The following DGKI variants were observed in gnomAD, a reference collection of about 807,000 sequenced individuals.
DGKI encodes the protein diacylglycerol kinase iota.
In DGKI, 55 loss-of-function variants were observed where a neutral mutation model predicts 147.5. The observed-to-expected ratio is 0.37, with a 90% confidence interval of 0.30 to 0.47. The LOEUF (loss-of-function observed/expected upper bound fraction) is 0.47. Ranked by LOEUF, DGKI falls within the 20% of genes least tolerant of loss-of-function variation. The pLI, the probability that DGKI is intolerant of heterozygous loss-of-function variation, is 1.00. For missense variants in DGKI, 1,007 were observed against 1,323.8 expected, an observed-to-expected ratio of 0.76 and a Z score of 3.71; for synonymous variants, 469 against 477.1, an observed-to-expected ratio of 0.98 and a Z score of 0.22.
intron 20 of DGKI, among the ~76,000 whole-genome samples, chr7:137,539,176 G>C (rs892119703): frequency 2.0e-5 from 3 of 152,158 alleles, no homozygotes; most frequent in South Asian, 2.1e-4. Context: ...CTAATCACAA[G>C]AGCTGTGACG....
intron 1 of DGKI, among the ~76,000 whole-genome samples, chr7:137,795,000 A>G (rs1330244115): frequency 2.0e-5 from 3 of 152,168 alleles, no homozygotes; most frequent in African/African-American, 7.2e-5. Flanking sequence ...ACAACTTCCT[A>G]GTCTGATATT....
At chr7:137,590,728 C>T (rs1249205014) in intron 12 of DGKI, among the ~76,000 whole-genome samples, 3 of 152,024 alleles carry the variant, frequency 2.0e-5, no homozygotes, top group Non-Finnish European at 4.4e-5. Flanking sequence ...GACAGAGTTT[C>T]ACTCTGTTGT....
intron 20 of DGKI, among the ~76,000 whole-genome samples, chr7:137,551,347 T>C (rs1818038670): frequency 6.6e-6 from 1 of 152,076 alleles, no homozygotes. Context: ...TGCTGGCTAT[T>C]GTAAGGACTT....
At chr7:137,460,913 A>G (rs891675414) in intron 27 of DGKI, among the ~76,000 whole-genome samples, 1 of 152,214 alleles carries the variant, frequency 6.6e-6, no homozygotes, top group Non-Finnish European at 1.5e-5. Flanking sequence ...TTTGATTAGA[A>G]CATAGTTTAT....
chr7:137,698,801 T>C (rs957919955), intron 1 of DGKI, among the ~76,000 whole-genome samples: 12 of 152,110 alleles, frequency 7.9e-5, no homozygotes, highest in African/African-American at 2.9e-4. Context: ...AGTGAATCAG[T>C]GATAAAACCA....
intron 1 of DGKI, among the ~76,000 whole-genome samples, chr7:137,692,685 G>A (rs1292112557): frequency 1.3e-5 from 2 of 152,104 alleles, no homozygotes; most frequent in African/African-American, 4.8e-5. Context: ...AAGATAATGT[G>A]GCTATATGAT....
At chr7:137,784,608 C>A (rs1031699230) in intron 1 of DGKI, among the ~76,000 whole-genome samples, 1 of 152,062 alleles carries the variant, frequency 6.6e-6, no homozygotes, top group African/African-American at 2.4e-5. Flanking sequence ...TTAAACTATA[C>A]CCTATAACAA....
chr7:137,788,144 C>T (rs557802188), intron 1 of DGKI, among the ~76,000 whole-genome samples: 10 of 152,220 alleles, frequency 6.6e-5, no homozygotes, highest in African/African-American at 2.2e-4. Context: ...ATTAGGGATA[C>T]GATAATGTGT....
chr7:137,508,219 C>CTTT lies in DGKI; in HGVS notation c.2248+13644_2248+13646dup, dbSNP rs1171968411. ...GCATGATGGAACTTTAGACAGGTTT[C>CTTT]TTTTTTTTTTTTTTTTTTTTTTTTT... On this transcript the variant is annotated intron_variant, in intron 21 of 32. Transcript: ENST00000614521. 1.1e-3 allele frequency among the ~76,000 whole-genome samples: 105 copies of CTTT among 92,530 alleles called. 3 individuals carry two copies. The highest frequency in any genetic ancestry group is 2.9e-3 in the African/African-American group (67 of 22,724). 60.7% of individuals were successfully genotyped at this position (92,530 alleles called of 152,430 possible).
intron 28 of DGKI, among the ~76,000 whole-genome samples, chr7:137,435,191 A>T (rs1813234653): frequency 6.6e-6 from 1 of 152,232 alleles, no homozygotes; most frequent in South Asian, 2.1e-4. Flanking sequence ...CACAGCACAG[A>T]ATAGGGCAAT....
intron 23 of DGKI, among the ~76,000 whole-genome samples, chr7:137,471,075 T>C (rs1030104173): frequency 2.6e-5 from 4 of 152,212 alleles, no homozygotes; most frequent in Admixed American, 2.0e-4. Context: ...TTTTCTCTAC[T>C]AAGAGAAGCC....
At chr7:137,603,011 G>C (rs1236265630) in intron 10 of DGKI, among the ~76,000 whole-genome samples, 1 of 152,068 alleles carries the variant, frequency 6.6e-6, no homozygotes, top group African/African-American at 2.4e-5. Context: ...AGGAGTAAAA[G>C]AACATTATTC....
chr7:137,495,862 G>T (rs1380236880), intron 21 of DGKI, among the ~76,000 whole-genome samples: 2 of 152,048 alleles, frequency 1.3e-5, no homozygotes, highest in African/African-American at 2.4e-5. Context: ...CATACTGAAT[G>T]GGTAAAATCT....
intron 21 of DGKI, among the ~76,000 whole-genome samples, chr7:137,492,020 G>A (rs1200578854): frequency 6.6e-6 from 1 of 152,216 alleles, no homozygotes; most frequent in Non-Finnish European, 1.5e-5. Flanking sequence ...GGCAAAGCCA[G>A]AAATGGGACA....
At position 137,578,361 on chromosome 7, in the gene DGKI, C is replaced by G. The variant is rs746235873; in HGVS notation, c.1643-36G>C. On this transcript the variant is annotated intron_variant, in intron 15 of 32. Transcript: ENST00000614521. ...GGAAAAGTAGTTTTGTTATGGAGAC[C>G]TCACTAAAGGTAGCGACTTAGATTA... 5.0e-5 allele frequency: 77 copies of G among 1,544,792 alleles called. 1 individual carries two copies. The South Asian group carries it at 7.9e-4, about 16-fold the overall frequency.
At chr7:137,827,156 A>G (rs993769050) in intron 1 of DGKI, among the ~76,000 whole-genome samples, 1 of 152,086 alleles carries the variant, frequency 6.6e-6, no homozygotes, top group African/African-American at 2.4e-5. Context: ...TGTCACTTGC[A>G]CAGGAATGAC....
At chr7:137,591,037 C>T (rs1819590937) in intron 12 of DGKI, among the ~76,000 whole-genome samples, 1 of 152,162 alleles carries the variant, frequency 6.6e-6, no homozygotes, top group Non-Finnish European at 1.5e-5. Context: ...AGGCTGTGTT[C>T]CTAATTGTTT....
At chr7:137,486,227 G>T (rs750841642) in intron 22 of DGKI, among the ~76,000 whole-genome samples, 3 of 151,930 alleles carry the variant, frequency 2.0e-5, no homozygotes, top group Non-Finnish European at 2.9e-5. Context: ...ACTTTTAGTT[G>T]AATATTGGTG....
At position 137,638,509 on chromosome 7, in the gene DGKI, T is replaced by C. The variant is rs1403951278; in HGVS notation, c.804+6963A>G. Among the ~76,000 whole-genome samples the C allele has an allele frequency of 1.2e-4, 15 of 120,096 alleles. No homozygotes were observed. The East Asian group carries it at 4.0e-3, about 32-fold the overall frequency. The allele number at this position is 120,096 out of a possible 152,430, so 78.8% of individuals were successfully genotyped here. ...ATATACACACATATATATGTATATA[T>C]ATGTGTGTATATATATACACACACA... is the stretch of plus-strand genomic sequence containing the variant. On this transcript the variant is annotated intron_variant, in intron 6 of 32. Transcript: ENST00000614521.
Sources: gnomAD v4.1 joint callset for allele counts (sites outside exome capture counted in the v4.1 genomes callset) on GRCh38, gnomAD v4.1.1 for gene constraint, MANE v1.5 for transcripts, NCBI Gene and HGNC (gene_info 2026-07-23, HGNC 2026-07-21) for gene names.